Variants in ZNF420 observed in about 807,000 individuals in gnomAD.
ZNF420 encodes ATM and p53-associated KZNF protein.
ZNF420 carries 31 observed loss-of-function variants against 44.7 expected under a neutral mutation model. The observed-to-expected ratio is 0.69, with a 90% confidence interval of 0.52 to 0.94. The LOEUF is 0.94. Among genes scored for constraint, ZNF420 ranks in the 40% least tolerant of loss-of-function variants. The probability of loss-of-function intolerance (pLI) is 0.00; values close to 1 mark genes in which losing one functional copy is unlikely to be tolerated. For missense variants in ZNF420, 681 were observed against 827.9 expected (o/e 0.82, Z 2.18); for synonymous variants, 245 against 267.4 (o/e 0.92, Z 0.82).
chr19:37,111,185 C>T (rs1156827666), intron 4 of ZNF420, among the ~76,000 whole-genome samples: 1 of 151,360 alleles, frequency 6.6e-6, no homozygotes, highest in Non-Finnish European at 1.5e-5. Flanking sequence ...TAGCAAAAAT[C>T]AAAAGTTGGA....
intron 2 of ZNF420, among the ~76,000 whole-genome samples, chr19:37,083,389 A>G (rs1339776496): frequency 2.6e-5 from 4 of 152,076 alleles, no homozygotes; most frequent in Non-Finnish European, 2.9e-5. Flanking sequence ...TCCTTTCTCA[A>G]TGTCTTGGTT....
chr19:37,075,758 C>G (rs1968135948), upstream of ZNF420, among the ~76,000 whole-genome samples: 1 of 151,376 alleles, frequency 6.6e-6, no homozygotes, highest in Non-Finnish European at 1.5e-5. Flanking sequence ...AAAACAAAAA[C>G]AAAAACAAAC....
intron 2 of ZNF420, among the ~76,000 whole-genome samples, chr19:37,087,287 A>G (rs891024150): frequency 2.5e-5 from 3 of 119,018 alleles, no homozygotes; most frequent in African/African-American, 7.0e-5. Flanking sequence ...TGTCTCAAAA[A>G]AAAAAATAAA....
chr19:37,044,587 C>T (rs1009284666), intron 1 of ZNF420, among the ~76,000 whole-genome samples: 5 of 151,994 alleles, frequency 3.3e-5, no homozygotes, highest in Non-Finnish European at 5.9e-5. Flanking sequence ...TTTTCCAGGC[C>T]GGGTGCGGTG....
intron 1 of ZNF420, among the ~76,000 whole-genome samples, chr19:37,010,222 C>G (rs114582535): frequency 5.9e-5 from 9 of 152,144 alleles, no homozygotes; most frequent in Non-Finnish European, 1.3e-4. Flanking sequence ...TCCATGGGGT[C>G]GAAAGGACGG....
At chr19:37,090,323 C>T (rs889009365) in intron 3 of ZNF420, among the ~76,000 whole-genome samples, 1 of 151,488 alleles carries the variant, frequency 6.6e-6, no homozygotes, top group East Asian at 2.0e-4. Flanking sequence ...AACAAGACCC[C>T]TGTCTCTACA....
chr19:37,119,433 G>A (rs574868366), intron 4 of ZNF420, among the ~76,000 whole-genome samples: 2,589 of 152,244 alleles, frequency 0.017, 79 homozygotes, highest in African/African-American at 0.059. Context: ...TGAGAACAAA[G>A]ACACAACATA....
intron 4 of ZNF420, among the ~76,000 whole-genome samples, chr19:37,117,540 T>C (rs2146705574): frequency 6.6e-6 from 1 of 152,098 alleles, no homozygotes; most frequent in Non-Finnish European, 1.5e-5. Flanking sequence ...GCAGAAAAAC[T>C]GGAAACTCTA....
intron 1 of ZNF420, among the ~76,000 whole-genome samples, chr19:37,036,124 A>G (rs1967350440): frequency 6.6e-6 from 1 of 152,166 alleles, no homozygotes; most frequent in South Asian, 2.1e-4. Context: ...TAATGGGCAC[A>G]AAAATACAGT....
chr19:37,069,509 C>T (rs1187760639), intron 1 of ZNF420, among the ~76,000 whole-genome samples: 1 of 151,984 alleles, frequency 6.6e-6, no homozygotes, highest in Non-Finnish European at 1.5e-5. Context: ...CCTAACCTAC[C>T]AAGCATGACA....
At chr19:37,077,156 GT>G (rs1206596910), upstream of ZNF420, among the ~76,000 whole-genome samples, 4 of 152,172 alleles carry the variant, frequency 2.6e-5, no homozygotes, top group Admixed American at 1.3e-4. Context: ...AGGTCTTGAA[GT>G]AAGTAAAAAT....
At chr19:37,117,114 C>G (rs1416396070) in intron 4 of ZNF420, among the ~76,000 whole-genome samples, 2 of 152,164 alleles carry the variant, frequency 1.3e-5, no homozygotes, top group Non-Finnish European at 2.9e-5. Context: ...TAGTGGTTCT[C>G]CCAGCACGCA....
chr19:37,044,840 A>G (rs1179274138), intron 1 of ZNF420, among the ~76,000 whole-genome samples: 6 of 152,200 alleles, frequency 3.9e-5, no homozygotes, highest in Non-Finnish European at 8.8e-5. Flanking sequence ...AAAAATAATA[A>G]TGATAATAAT....
chr19:37,016,763 G>A (rs2074611668), intron 1 of ZNF420, among the ~76,000 whole-genome samples: 1 of 152,146 alleles, frequency 6.6e-6, no homozygotes, highest in South Asian at 2.1e-4. Flanking sequence ...TTTGCATGAC[G>A]CTACTGGGAC....
chr19:37,037,645 G>A (rs1015180595), intron 1 of ZNF420, among the ~76,000 whole-genome samples: 5 of 152,180 alleles, frequency 3.3e-5, no homozygotes, highest in African/African-American at 9.7e-5. Flanking sequence ...GGACAGTTCG[G>A]GAAGACTTTC....
At chr19:37,071,550 C>G (rs1282517134) in intron 1 of ZNF420, among the ~76,000 whole-genome samples, 1 of 152,198 alleles carries the variant, frequency 6.6e-6, no homozygotes, top group Admixed American at 6.5e-5. Flanking sequence ...CCTGTAATCT[C>G]AACACTTTGG....
chr19:37,126,611 AG>A (rs1971359721), intron 4 of ZNF420, among the ~76,000 whole-genome samples: 1 of 152,242 alleles, frequency 6.6e-6, no homozygotes, highest in African/African-American at 2.4e-5. Context: ...ACTAGCAGTT[AG>A]TCTGGTGTAA....
chr19:37,011,897 C>T (rs933742909), intron 1 of ZNF420, among the ~76,000 whole-genome samples: 5 of 152,148 alleles, frequency 3.3e-5, no homozygotes, highest in Non-Finnish European at 7.4e-5. Flanking sequence ...AGCCCCAGGG[C>T]TTTGGAAGCG....
At chr19:37,106,285 G>A (rs113491611) in intron 4 of ZNF420, among the ~76,000 whole-genome samples, 1 of 152,260 alleles carries the variant, frequency 6.6e-6, no homozygotes, top group South Asian at 2.1e-4. Context: ...ATGTGGTTTT[G>A]TCTTTGGTTC....
Sources: allele counts gnomAD v4.1 joint callset (sites outside exome capture counted in the v4.1 genomes callset), GRCh38; gene constraint gnomAD v4.1.1; transcripts MANE v1.5; gene names NCBI Gene and HGNC (gene_info 2026-07-23, HGNC 2026-07-21).